KIAA0586: variants seen among roughly 807,000 people sequenced by gnomAD.
KIAA0586 encodes the protein protein TALPID3.
In KIAA0586, 144 loss-of-function variants were observed where a neutral mutation model predicts 169.8. The observed-to-expected ratio is 0.85, with a 90% CI of 0.74 to 0.97. KIAA0586 has a LOEUF of 0.97. KIAA0586 is among the 50% of genes least tolerant of loss of function. The pLI is 0.00. For synonymous variants in KIAA0586, 625 were observed against 612.4 expected, an observed-to-expected ratio of 1.02 and a Z score of -0.30; for missense variants, 1,854 against 1,823.0, an observed-to-expected ratio of 1.02 and a Z score of -0.31.
At chr14:58,453,197 G>T (rs2039545549) in intron 8 of KIAA0586, among the ~76,000 whole-genome samples, 153 bp from the exon 9 acceptor site, 1 of 152,104 alleles carries the variant, frequency 6.6e-6, no homozygotes, top group Non-Finnish European at 1.5e-5. Flanking sequence ...GGGATTACAG[G>T]CATGAGCCAC....
intron 20 of KIAA0586, among the ~76,000 whole-genome samples, chr14:58,479,646 T>C (rs79052869): frequency 0.037 from 5,668 of 152,300 alleles, 147 homozygotes; most frequent in Non-Finnish European, 0.056. Flanking sequence ...AGAAGATGTA[T>C]GGTTTTAGAT....
intron 6 of KIAA0586, among the ~76,000 whole-genome samples, chr14:58,444,503 A>G (rs866022511): frequency 1.3e-5 from 2 of 152,094 alleles, no homozygotes; most frequent in African/African-American, 4.8e-5. Flanking sequence ...CAGTCACTAC[A>G]ACCTCCACCT....
At chr14:58,466,208 G>T (rs1236225366) in intron 15 of KIAA0586, among the ~76,000 whole-genome samples, 179 bp downstream of exon 15, 2 of 152,102 alleles carry the variant, frequency 1.3e-5, no homozygotes, top group Non-Finnish European at 2.9e-5. Context: ...GAGGCACCGT[G>T]CCCAGCCATT....
chr14:58,540,341 G>A (rs549209406), intron 30 of KIAA0586, among the ~76,000 whole-genome samples: 9 of 152,172 alleles, frequency 5.9e-5, no homozygotes, highest in Admixed American at 4.6e-4. Context: ...AAAACCTATC[G>A]TTTCGCTTTG....
chr14:58,526,826 C>A (rs1172048794), intron 29 of KIAA0586, among the ~76,000 whole-genome samples: 1 of 152,124 alleles, frequency 6.6e-6, no homozygotes, highest in Non-Finnish European at 1.5e-5. Context: ...CTACAGAAAG[C>A]TGGACTGTAA....
At chr14:58,474,584 A>G (rs369264492) in intron 18 of KIAA0586, 23 bp from the exon 19 acceptor site, 3 of 1,500,558 alleles carry the variant, frequency 2.0e-6, no homozygotes, top group South Asian at 1.3e-5. Context: ...TGAATATAAT[A>G]GTTTTGTTTT....
chr14:58,547,704 T>C, intron 30 of KIAA0586, 77 bp from the exon 31 acceptor site: 1 of 658,768 alleles, frequency 1.5e-6, no homozygotes, highest in South Asian at 1.6e-5. Context: ...CCCAACCTCA[T>C]ATTATTTCGC....
intron 28 of KIAA0586, among the ~76,000 whole-genome samples, chr14:58,509,727 A>G (rs574359941): frequency 2.0e-5 from 3 of 152,328 alleles, no homozygotes; most frequent in Middle Eastern, 3.4e-3. Flanking sequence ...ATGAAAAAGT[A>G]TCTGTTAATA....
At chr14:58,558,999 T>A in the KIAA0586 span, among the ~76,000 whole-genome samples, 1 of 152,254 alleles carries the variant, frequency 6.6e-6, no homozygotes, top group Non-Finnish European at 1.5e-5. Flanking sequence ...AGCCTTTGGA[T>A]GCGGTCCTTA....
chr14:58,529,832 A>G (rs535220643), intron 29 of KIAA0586, among the ~76,000 whole-genome samples: 1 of 152,322 alleles, frequency 6.6e-6, no homozygotes, highest in East Asian at 1.9e-4. Flanking sequence ...CTCCGATTCA[A>G]CACACTACTG....
chr14:58,482,548 G>C lies in KIAA0586; in HGVS notation c.2980G>C (p.Val994Leu). ...AAGCAGTGGCGCCCTCCAGCTTTTT[G>C]TTGATGCTGGTGTTCCTGTGAACTC... ...GTSSGALQLF[V>L]DAGVPVNSNV... Residue 994 changes from valine to leucine, a missense_variant, in exon 21 of 31, where the codon GTT becomes CTT. Val to Leu is a conservative substitution (Grantham distance 32). Transcript: ENST00000652326. 6.4e-7 allele frequency: 1 copy of C among 1,555,858 alleles called. No individual in the cohort carries two copies. The highest frequency in any genetic ancestry group is 8.7e-7 in the Non-Finnish European group (1 of 1,148,728).
At chr14:58,450,430 A>G in intron 7 of KIAA0586, 149 bp from the exon 8 acceptor site, 1 of 539,570 alleles carries the variant, frequency 1.9e-6, no homozygotes, top group South Asian at 2.6e-5. Flanking sequence ...TTTGATTTTT[A>G]ATGGGGTGAA....
chr14:58,435,233 A>C (rs117426563), intron 4 of KIAA0586, among the ~76,000 whole-genome samples: 1 of 152,250 alleles, frequency 6.6e-6, no homozygotes, highest in Non-Finnish European at 1.5e-5. Flanking sequence ...ACAATAATTC[A>C]TGATCTATTA....
chr14:58,499,292 A>G (rs748459806), intron 27 of KIAA0586, among the ~76,000 whole-genome samples: 8 of 151,800 alleles, frequency 5.3e-5, no homozygotes, highest in Non-Finnish European at 1.0e-4. Context: ...TTGCTCTGTC[A>G]CTCAGGCTGG....
chr14:58,470,846 G>T, intron 17 of KIAA0586, 123 bp downstream of exon 17: 5 of 563,164 alleles, frequency 8.9e-6, no homozygotes, highest in South Asian at 4.2e-5. Context: ...TTGAAGAAAA[G>T]ATTGAAAACA....
intron 30 of KIAA0586, among the ~76,000 whole-genome samples, chr14:58,542,814 T>A (rs1357235855): frequency 1.3e-5 from 2 of 152,136 alleles, no homozygotes; most frequent in Non-Finnish European, 2.9e-5. Flanking sequence ...TATAAAACAC[T>A]TTGTATGTAT....
chr14:58,500,719 C>T (rs935212800), intron 27 of KIAA0586, among the ~76,000 whole-genome samples: 8 of 87,022 alleles, frequency 9.2e-5, no homozygotes, highest in African/African-American at 3.0e-4. Context: ...GAGTCTCTGC[C>T]TCAAAAAAAA....
At position 58,459,973 on chromosome 14, in the gene KIAA0586, T is replaced by A; in HGVS notation, c.1787T>A (p.Ile596Asn). 6.5e-7 allele frequency: 1 copy of A among 1,534,604 alleles called. No homozygotes were observed. The highest frequency in any genetic ancestry group is 8.7e-7 in the Non-Finnish European group (1 of 1,145,852). ...TQDKTVNKSVIPRKHSQKQIE... is the reference protein window; with the variant it reads ...TQDKTVNKSVNPRKHSQKQIE... The stretch of plus-strand genomic sequence containing the variant: ...GATAAAACTGTCAACAAATCTGTAA[T>A]TCCAAGAAAACATTCTCAAAAGCAA... Residue 596 changes from isoleucine (I) to asparagine (N), a missense_variant, in exon 13 of 31, where the codon ATT becomes AAT. Coordinates refer to ENST00000652326, the MANE Select transcript of KIAA0586 (RefSeq NM_001329943.3).
Position 58,432,442 on chromosome 14 carries a change from C to G in KIAA0586, c.395C>G (p.Thr132Arg), listed in dbSNP as rs200627657. 250 of 1,556,662 alleles carry G rather than the reference C, an allele frequency of 1.6e-4. No homozygotes were observed. The highest frequency in any genetic ancestry group is 2.0e-4 in the Non-Finnish European group (232 of 1,147,416). Reference sequence around the variant, plus strand: ...ATGGGACAGAAAGATGCTCTAAGAACAGTTTTAAAGCAAAAGTAAGTTTCA... The same window carrying G: ...ATGGGACAGAAAGATGCTCTAAGAAGAGTTTTAAAGCAAAAGTAAGTTTCA... The part of the protein sequence containing the change: ...YTMGQKDALR[T>R]VLKQKAQSMP... The change falls in exon 4 of 31, where the codon ACA becomes AGA. Residue 132 changes from threonine to arginine, a missense_variant. Thr to Arg is a moderately conservative substitution (Grantham distance 71). Transcript: ENST00000652326.
Sources: gnomAD v4.1 joint callset for allele counts (sites outside exome capture counted in the v4.1 genomes callset) on GRCh38, gnomAD v4.1.1 for gene constraint, MANE v1.5 for transcripts, NCBI Gene and HGNC (gene_info 2026-07-23, HGNC 2026-07-21) for gene names.